Variants in NVL observed in about 807,000 individuals in gnomAD.
The protein encoded by NVL is nuclear VCP like, also known as nuclear valosin-containing protein-like.
In NVL, 84 loss-of-function variants were observed where a neutral mutation model predicts 110.2. The ratio of observed to expected loss-of-function variants is 0.76; its 90% CI spans 0.64 to 0.91. The LOEUF is 0.91. Among genes scored for constraint, NVL ranks in the 40% least tolerant of loss-of-function variants. The pLI is 0.00. For missense variants in NVL, 882 were observed against 1,035.9 expected (o/e 0.85, Z 2.04); for synonymous variants, 354 against 361.1 (o/e 0.98, Z 0.22).
chr1:224,314,227 T>TA (rs1051430418), intron 4 of NVL, among the ~76,000 whole-genome samples: 1 of 151,920 alleles, frequency 6.6e-6, no homozygotes, highest in Non-Finnish European at 1.5e-5. Flanking sequence ...AAATTCAACA[T>TA]AAAAAAGTGA....
intron 10 of NVL, among the ~76,000 whole-genome samples, chr1:224,298,036 C>CAA (rs1275028638): frequency 7.7e-4 from 52 of 67,192 alleles, no homozygotes; most frequent in South Asian, 5.3e-3. Context: ...TACTCCATCT[C>CAA]AAAAAAAAAA....
At chr1:224,310,356 G>A (rs554710128) in intron 5 of NVL, among the ~76,000 whole-genome samples, 2 of 152,212 alleles carry the variant, frequency 1.3e-5, no homozygotes, top group South Asian at 2.1e-4. Context: ...AGGTATTCAT[G>A]TGGGGCTCTG....
chr1:224,234,773 T>G (rs1201450679), intron 20 of NVL, among the ~76,000 whole-genome samples: 1 of 152,138 alleles, frequency 6.6e-6, no homozygotes, highest in Non-Finnish European at 1.5e-5. Context: ...ACTGTAGTGG[T>G]GTAGTGTCTC....
chr1:224,309,278 G>A (rs1167379944), intron 5 of NVL, among the ~76,000 whole-genome samples: 2 of 152,052 alleles, frequency 1.3e-5, no homozygotes, highest in Non-Finnish European at 2.9e-5. Context: ...TAATGCTTTC[G>A]GAGGCCAAAC....
intron 5 of NVL, among the ~76,000 whole-genome samples, chr1:224,309,973 G>A (rs1042001526): frequency 2.0e-5 from 3 of 152,020 alleles, no homozygotes; most frequent in African/African-American, 7.2e-5. Context: ...AGGTTGCAGT[G>A]AGCCGAGATG....
chr1:224,260,578 C>T (rs1306154184), intron 18 of NVL, among the ~76,000 whole-genome samples: 2 of 152,098 alleles, frequency 1.3e-5, no homozygotes, highest in African/African-American at 4.8e-5. Context: ...TTATTAAACG[C>T]TTAGAATGGG....
chr1:224,286,215 G>GT (rs759032246), intron 14 of NVL, 85 bp from the exon 15 acceptor site: 118,640 of 716,616 alleles, frequency 0.17, 6 homozygotes, highest in South Asian at 0.19. Flanking sequence ...ATATTTTATG[G>GT]TTTTTTTTTT....
chr1:224,265,230 C>T (rs1301561270), intron 18 of NVL, among the ~76,000 whole-genome samples: 1 of 151,974 alleles, frequency 6.6e-6, no homozygotes, highest in Non-Finnish European at 1.5e-5. Flanking sequence ...ACAGGCCAGG[C>T]GCAGTGGCTC....
intron 18 of NVL, among the ~76,000 whole-genome samples, chr1:224,263,246 GA>G (rs1174052061): frequency 2.0e-5 from 3 of 152,060 alleles, no homozygotes; most frequent in Non-Finnish European, 4.4e-5. Context: ...TTTGGGTGGG[GA>G]CACAGAGCCA....
At chr1:224,268,464 C>T (rs992644839) in intron 17 of NVL, among the ~76,000 whole-genome samples, 8 of 152,048 alleles carry the variant, frequency 5.3e-5, no homozygotes, top group South Asian at 2.1e-4. Flanking sequence ...AAGATCTAAC[C>T]GTCACAATAC....
chr1:224,317,304 TG>T (rs1421543550), intron 4 of NVL, among the ~76,000 whole-genome samples: 2 of 152,152 alleles, frequency 1.3e-5, no homozygotes. Context: ...ACAGTACTGT[TG>T]GTAATGCAAA....
chr1:224,249,545 C>T (rs1400105760), intron 19 of NVL, among the ~76,000 whole-genome samples: 1 of 152,092 alleles, frequency 6.6e-6, no homozygotes, highest in East Asian at 1.9e-4. Flanking sequence ...GAGATCGAGA[C>T]CATCCTGGCT....
chr1:224,271,732 G>T (rs991950836), intron 17 of NVL, among the ~76,000 whole-genome samples: 25 of 152,078 alleles, frequency 1.6e-4, no homozygotes, highest in African/African-American at 6.0e-4. Flanking sequence ...GAATACATTT[G>T]CCAGGCGCGG....
intron 17 of NVL, among the ~76,000 whole-genome samples, chr1:224,268,390 G>A (rs1664710229): frequency 6.6e-6 from 1 of 152,104 alleles, no homozygotes; most frequent in African/African-American, 2.4e-5. Flanking sequence ...ACTAGATAAA[G>A]GAAGAAATGA....
At chr1:224,257,862 A>G (rs570545466) in intron 18 of NVL, among the ~76,000 whole-genome samples, 1 of 152,280 alleles carries the variant, frequency 6.6e-6, no homozygotes, top group South Asian at 2.1e-4. Context: ...TTGACACTCA[A>G]AAGAATCAAT....
chr1:224,317,625 G>T, intron 4 of NVL, 69 bp downstream of exon 4: 1 of 943,812 alleles, frequency 1.1e-6, no homozygotes, highest in Non-Finnish European at 1.7e-6. Flanking sequence ...GCCACTGAAA[G>T]TTTTACAAGC....
intron 17 of NVL, among the ~76,000 whole-genome samples, chr1:224,272,924 C>T (rs1427199718): frequency 2.0e-5 from 3 of 147,310 alleles, no homozygotes; most frequent in East Asian, 2.0e-4. Flanking sequence ...GTCCCAGCTA[C>T]TTGGGAGGCT....
intron 18 of NVL, among the ~76,000 whole-genome samples, chr1:224,254,240 C>T (rs1032049257): frequency 1.3e-5 from 2 of 151,456 alleles, no homozygotes; most frequent in Non-Finnish European, 2.9e-5. Flanking sequence ...TTACAGGTGA[C>T]CACCACCATG....
intron 2 of NVL, among the ~76,000 whole-genome samples, chr1:224,320,432 C>T (rs1271674230): frequency 2.0e-5 from 3 of 152,038 alleles, no homozygotes; most frequent in East Asian, 3.9e-4. Flanking sequence ...GGATCATTTG[C>T]GGTCAGGAGT....
Sources: allele counts gnomAD v4.1 joint callset (sites outside exome capture counted in the v4.1 genomes callset), GRCh38; gene constraint gnomAD v4.1.1; transcripts MANE v1.5; gene names NCBI Gene and HGNC (gene_info 2026-07-23, HGNC 2026-07-21).